FAM193A: variants seen among roughly 807,000 people sequenced by gnomAD.
FAM193A encodes the protein protein FAM193A.
Under a neutral mutation model 126.5 loss-of-function variants are expected in FAM193A, and 22 were observed. That is an observed-to-expected ratio of 0.17 (90% CI 0.12 to 0.25). The LOEUF is 0.25. FAM193A is among the 10% of genes least tolerant of loss of function. The pLI, the probability that FAM193A is intolerant of heterozygous loss-of-function variation, is 1.00. For missense variants in FAM193A, 1,675 were observed against 1,672.8 expected (o/e 1.00, Z -0.02); for synonymous variants, 761 against 646.8 (o/e 1.18, Z -2.68).
chr4:2,603,744 C>G (rs911943757), intron 2 of FAM193A, among the ~76,000 whole-genome samples: 7 of 151,858 alleles, frequency 4.6e-5, no homozygotes, highest in Non-Finnish European at 8.8e-5. Flanking sequence ...GTCACTGCAC[C>G]CGGCCAATTT....
At chr4:2,621,794 G>T (rs542410920) in intron 2 of FAM193A, among the ~76,000 whole-genome samples, 2 of 152,060 alleles carry the variant, frequency 1.3e-5, no homozygotes, top group Non-Finnish European at 2.9e-5. Context: ...GGAGGAGAGC[G>T]TGAACCTCGC....
intron 2 of FAM193A, among the ~76,000 whole-genome samples, chr4:2,598,895 T>C (rs1024655950): frequency 6.6e-6 from 1 of 152,222 alleles, no homozygotes; most frequent in Non-Finnish European, 1.5e-5. Flanking sequence ...AGCCTGACTC[T>C]TGGGCAGCTC....
intron 1 of FAM193A, among the ~76,000 whole-genome samples, chr4:2,538,326 C>G (rs1010479680): frequency 4.0e-5 from 6 of 151,812 alleles, no homozygotes; most frequent in Non-Finnish European, 8.8e-5. Flanking sequence ...CTCAGCCTCT[C>G]GAGTAGCTGG....
chr4:2,620,253 T>G (rs372704395), intron 2 of FAM193A, among the ~76,000 whole-genome samples: 14 of 152,330 alleles, frequency 9.2e-5, no homozygotes, highest in Non-Finnish European at 7.3e-5. Flanking sequence ...TTTCATGTCT[T>G]GTCTCCAGGA....
intron 10 of FAM193A, 35 bp downstream of exon 10, chr4:2,660,089 T>C: frequency 6.2e-7 from 1 of 1,605,304 alleles, no homozygotes; most frequent in South Asian, 1.1e-5. Context: ...TTTCCGAAAT[T>C]TAAGTCGCCC....
At chr4:2,656,451 C>T (rs759556654) in intron 7 of FAM193A, among the ~76,000 whole-genome samples, 2 of 152,232 alleles carry the variant, frequency 1.3e-5, no homozygotes, top group East Asian at 3.8e-4. Flanking sequence ...TGTAAACTCA[C>T]ACCTGCAGGG....
intron 2 of FAM193A, among the ~76,000 whole-genome samples, chr4:2,619,639 G>A (rs1742421583): frequency 6.6e-6 from 1 of 152,004 alleles, no homozygotes; most frequent in Admixed American, 6.6e-5. Flanking sequence ...AAAGTGCTGG[G>A]ATAATAGGCG....
intron 1 of FAM193A, among the ~76,000 whole-genome samples, chr4:2,552,137 G>A (rs535265324): frequency 1.3e-5 from 2 of 151,550 alleles, no homozygotes; most frequent in African/African-American, 4.8e-5. Flanking sequence ...TCAGCCTCCG[G>A]AGTAGCTGGG....
intron 1 of FAM193A, among the ~76,000 whole-genome samples, chr4:2,586,238 C>G (rs533870657): frequency 3.8e-4 from 54 of 141,276 alleles, no homozygotes; most frequent in Non-Finnish European, 4.9e-4. Flanking sequence ...AGCAAAAACT[C>G]CGTCTCAAAA....
Position 2,693,801 on chromosome 4 carries a change from C to T in FAM193A, c.3019C>T (p.Arg1007Cys), listed in dbSNP as rs370673759. The change falls in exon 16 of 21, where the codon CGC (arginine) becomes TGC (cysteine). Residue 1007 changes from arginine (R) to cysteine (C), a missense_variant. Coordinates refer to ENST00000637812, the MANE Select transcript of FAM193A (RefSeq NM_001366318.2). ...CACAACTCCTGGGTTTGTGGACACACGCAAGAGTTTCTGTCCTGCACCCCT... is the reference window on the plus strand; with the variant it reads ...CACAACTCCTGGGTTTGTGGACACATGCAAGAGTTTCTGTCCTGCACCCCT... ...ATTTPGFVDT[R>C]KSFCPAPLPP... 60 of 1,614,244 alleles carry T rather than the reference C, an allele frequency of 3.7e-5. No homozygotes were observed. The highest frequency in any genetic ancestry group is 2.2e-4 in the South Asian group (20 of 91,090).
At chr4:2,721,220 G>A (rs1268142971) in intron 20 of FAM193A, among the ~76,000 whole-genome samples, 5 of 151,434 alleles carry the variant, frequency 3.3e-5, no homozygotes, top group South Asian at 2.1e-4. Context: ...GGCTGAGGCA[G>A]GAGAATGGCG....
intron 1 of FAM193A, among the ~76,000 whole-genome samples, chr4:2,547,602 G>T (rs979948507): frequency 2.8e-5 from 4 of 143,516 alleles, no homozygotes; most frequent in Admixed American, 2.1e-4. Flanking sequence ...GTGTGTGTGT[G>T]TCTGTGTGTG....
At chr4:2,597,882 G>C (rs115863961) in intron 2 of FAM193A, among the ~76,000 whole-genome samples, 1 of 151,660 alleles carries the variant, frequency 6.6e-6, no homozygotes, top group Admixed American at 6.6e-5. Context: ...CCCTTCCCCC[G>C]TCCTAGCCTC....
chr4:2,541,159 A>C (rs1281260807), intron 1 of FAM193A, among the ~76,000 whole-genome samples: 1 of 151,252 alleles, frequency 6.6e-6, no homozygotes, highest in Non-Finnish European at 1.5e-5. Context: ...AATCCTAGCT[A>C]CTCAGGAGGC....
chr4:2,615,873 C>T (rs530143041), intron 2 of FAM193A, among the ~76,000 whole-genome samples: 3 of 151,886 alleles, frequency 2.0e-5, no homozygotes, highest in Non-Finnish European at 1.5e-5. Flanking sequence ...TGTAGTGGCG[C>T]GATCTCAGCT....
rs758164159 is a variant in FAM193A at position 2,693,709 on chromosome 4, C to T, written c.2927C>T (p.Ala976Val). The change falls in exon 16 of 21, where the codon GCG (alanine) becomes GTG (valine). Residue 976 changes from alanine to valine, a missense_variant. Physicochemically the swap from Ala to Val is moderately conservative, Grantham distance 64. Around this residue, in one of 4 missense-constraint regions of FAM193A, gnomAD observed 1,186 missense variants for 1,109.2 expected, o/e 1.07. Transcript: ENST00000637812. ...TCGCCTGCTGCGCTGTCACCTGCTG[C>T]GCTCTCACCTGCCTCCACACCTCAC... is the stretch of plus-strand genomic sequence containing the variant. ...ALSPAALSPAALSPASTPHLA... is the reference protein window; with the variant it reads ...ALSPAALSPAVLSPASTPHLA... The T allele has an allele frequency of 1.3e-5, 21 of 1,614,024 alleles. No homozygotes were observed. The highest frequency in any genetic ancestry group is 1.7e-5 in the Admixed American group (1 of 60,006).
At chr4:2,648,890 A>G (rs1391071209) in intron 7 of FAM193A, among the ~76,000 whole-genome samples, 2 of 152,162 alleles carry the variant, frequency 1.3e-5, no homozygotes, top group Non-Finnish European at 2.9e-5. Context: ...TGTCCAGGTC[A>G]CCACTCCCTG....
chr4:2,717,576 A>G (rs1476281778), intron 20 of FAM193A, among the ~76,000 whole-genome samples: 1 of 147,300 alleles, frequency 6.8e-6, no homozygotes, highest in Non-Finnish European at 1.5e-5. Context: ...AGCCTGGGAA[A>G]CAGAGAGAGA....
At chr4:2,590,908 T>C (rs139796821) in intron 1 of FAM193A, among the ~76,000 whole-genome samples, 6,891 of 151,686 alleles carry the variant, frequency 0.045, 516 homozygotes, top group African/African-American at 0.16. Flanking sequence ...GCGCCTGTAA[T>C]CCCAGCTACT....
Sources: allele counts gnomAD v4.1 joint callset (sites outside exome capture counted in the v4.1 genomes callset), GRCh38; gene constraint gnomAD v4.1.1; regional missense constraint gnomAD v4.1.1; transcripts MANE v1.5; gene names NCBI Gene and HGNC (gene_info 2026-07-23, HGNC 2026-07-21).